Variants in SRPK2 observed in about 807,000 individuals in gnomAD.
SRPK2 encodes the protein SRSF protein kinase 2.
In SRPK2, 21 loss-of-function variants were observed where a neutral mutation model predicts 90.8. The ratio of observed to expected loss-of-function variants is 0.23; its 90% CI spans 0.16 to 0.33. SRPK2 has a LOEUF of 0.33. Among genes scored for constraint, SRPK2 ranks in the 10% least tolerant of loss-of-function variants. SRPK2 has a pLI of 1.00. For synonymous variants in SRPK2, 288 were observed against 311.1 expected (o/e 0.93, Z 0.78); for missense variants, 620 against 869.0 (o/e 0.71, Z 3.60).
intron 7 of SRPK2, among the ~76,000 whole-genome samples, chr7:105,150,038 G>T (rs1342767849): frequency 6.6e-6 from 1 of 151,876 alleles, no homozygotes; most frequent in Admixed American, 6.6e-5. Flanking sequence ...TATGACGGGT[G>T]GGGTAATTGG....
chr7:105,174,144 G>A (rs1294761238), intron 3 of SRPK2, among the ~76,000 whole-genome samples: 2 of 150,972 alleles, frequency 1.3e-5, no homozygotes, highest in African/African-American at 4.9e-5. Context: ...AAACTGTTAA[G>A]TAACCATTAA....
In SRPK2 at chr7:105,233,078, G is replaced by A. The variant is rs1235602352; in HGVS notation, c.72-29293C>T. On this transcript the variant is annotated intron_variant, in intron 2 of 15. Coordinates refer to ENST00000393651, the MANE Select transcript of SRPK2 (RefSeq NM_182692.3). Reference sequence around the variant, plus strand: ...AGGGAGGGAGCAAGGAAGGAAGGAAGGAAAGGAAGGAAAGAAGGAAGGAAG... The same window carrying A: ...AGGGAGGGAGCAAGGAAGGAAGGAAAGAAAGGAAGGAAAGAAGGAAGGAAG... Among the ~76,000 whole-genome samples the A allele has an allele frequency of 8.2e-4, 105 of 127,358 alleles. 1 individual carries two copies. Among genetic ancestry groups the A allele is most frequent in the Admixed American group, 2.5e-3 (29 of 11,646 alleles). The allele number at this position is 127,358 out of a possible 152,430, so 83.6% of individuals were successfully genotyped here. A position where few individuals can be genotyped will look rare whatever the true frequency, so the allele number is the denominator to read the frequency against.
chr7:105,266,345 G>A (rs1258416196), intron 2 of SRPK2, among the ~76,000 whole-genome samples: 1 of 152,042 alleles, frequency 6.6e-6, no homozygotes, highest in Admixed American at 6.5e-5. Flanking sequence ...ATAAAAATGA[G>A]ATGAAAAATT....
chr7:105,370,616 C>CTTTTTTTTT (rs199888481), intron 2 of SRPK2, among the ~76,000 whole-genome samples: 1 of 129,972 alleles, frequency 7.7e-6, no homozygotes, highest in Non-Finnish European at 1.6e-5. Flanking sequence ...TTTTTTCTTT[C>CTTTTTTTTT]TTTTTTTTTT....
At position 105,281,565 on chromosome 7, in the gene SRPK2, T is replaced by C. The variant is rs139455097; in HGVS notation, c.72-77780A>G. Among the ~76,000 whole-genome samples the C allele has an allele frequency of 2.3e-3, 350 of 151,758 alleles. 1 individual carries two copies. Among genetic ancestry groups the C allele is most frequent in the African/African-American group, 8.2e-3 (337 of 41,328 alleles). ...CTACGTGGAGACTGAGGCAGGAGGA[T>C]CACTTGAGCCTTGAAGTTTAAGGAT... On this transcript the variant is annotated intron_variant, in intron 2 of 15. Coordinates refer to ENST00000393651, the MANE Select transcript of SRPK2 (RefSeq NM_182692.3).
At chr7:105,207,101 G>C (rs1009282125) in intron 2 of SRPK2, among the ~76,000 whole-genome samples, 3 of 152,210 alleles carry the variant, frequency 2.0e-5, no homozygotes, top group African/African-American at 7.2e-5. Flanking sequence ...CAGAAATAGA[G>C]AAGAGAAAGC....
intron 2 of SRPK2, among the ~76,000 whole-genome samples, chr7:105,291,678 C>T (rs1267918950): frequency 2.0e-5 from 3 of 152,060 alleles, no homozygotes. Flanking sequence ...TGCACTGAGC[C>T]AAGATGGCAC....
intron 2 of SRPK2, among the ~76,000 whole-genome samples, chr7:105,257,823 A>G (rs1472887072): frequency 1.3e-5 from 2 of 152,326 alleles, no homozygotes; most frequent in East Asian, 3.9e-4. Flanking sequence ...TAAAAATAAA[A>G]AAGAATGGCC....
chr7:105,327,527 A>G (rs1424226567), intron 2 of SRPK2, among the ~76,000 whole-genome samples: 2 of 152,172 alleles, frequency 1.3e-5, no homozygotes, highest in African/African-American at 2.4e-5. Flanking sequence ...GTGCAGGTGA[A>G]GCTTTCCCCT....
At chr7:105,163,172 T>C (rs1350147925) in intron 6 of SRPK2, among the ~76,000 whole-genome samples, 1 of 152,178 alleles carries the variant, frequency 6.6e-6, no homozygotes, top group Admixed American at 6.5e-5. Context: ...ATTTCAAAAA[T>C]TTTTTTGCAC....
At chr7:105,175,782 C>G (rs1012461354) in intron 3 of SRPK2, among the ~76,000 whole-genome samples, 1 of 151,450 alleles carries the variant, frequency 6.6e-6, no homozygotes, top group African/African-American at 2.4e-5. Context: ...GGACAAATAC[C>G]TGAAAAGTCA....
chr7:105,329,117 G>T (rs1311475340), intron 2 of SRPK2, among the ~76,000 whole-genome samples: 4 of 152,036 alleles, frequency 2.6e-5, no homozygotes, highest in Admixed American at 6.6e-5. Context: ...GATCTATAGG[G>T]CCAGTTTTAA....
At chr7:105,247,238 T>A (rs1176378613) in intron 2 of SRPK2, among the ~76,000 whole-genome samples, 1 of 152,142 alleles carries the variant, frequency 6.6e-6, no homozygotes, top group East Asian at 1.9e-4. Flanking sequence ...CCTCATAAAC[T>A]CTGTGTTGTA....
At chr7:105,232,807 G>C (rs1284235217) in intron 2 of SRPK2, among the ~76,000 whole-genome samples, 2 of 152,020 alleles carry the variant, frequency 1.3e-5, no homozygotes, top group Non-Finnish European at 2.9e-5. Flanking sequence ...GAGGTCAAGA[G>C]ATCGAGACCA....
intron 2 of SRPK2, among the ~76,000 whole-genome samples, chr7:105,300,033 A>G (rs1671329929): frequency 6.6e-6 from 1 of 152,160 alleles, no homozygotes; most frequent in South Asian, 2.1e-4. Flanking sequence ...TTTATGCTTC[A>G]ACTTAATTCA....
chr7:105,327,478 A>G (rs574100840), intron 2 of SRPK2, among the ~76,000 whole-genome samples: 5 of 152,232 alleles, frequency 3.3e-5, no homozygotes, highest in Non-Finnish European at 7.4e-5. Flanking sequence ...TTGGTTTTGT[A>G]CCTCTGGCCA....
chr7:105,232,767 C>A (rs1328898205), intron 2 of SRPK2, among the ~76,000 whole-genome samples: 2 of 151,906 alleles, frequency 1.3e-5, no homozygotes, highest in East Asian at 1.9e-4. Context: ...GTAATCCCAG[C>A]ACTTTGGGAG....
chr7:105,296,833 A>G (rs1252608598), intron 2 of SRPK2, among the ~76,000 whole-genome samples: 1 of 152,222 alleles, frequency 6.6e-6, no homozygotes, highest in Non-Finnish European at 1.5e-5. Context: ...AGACACTGTC[A>G]TTATCAACCC....
Position 105,203,740 on chromosome 7 carries a change from C to A in SRPK2, c.117G>T (p.Pro39=). The A allele has an allele frequency of 7.9e-7, 1 of 1,259,424 alleles. No homozygotes were observed. The highest frequency in any genetic ancestry group is 1.1e-6 in the Non-Finnish European group (1 of 892,508). The allele number at this position is 1,259,424 out of a possible 1,614,324, so 78.0% of individuals were successfully genotyped here. The change falls in exon 3 of 16, where the codon CCG becomes CCT. Residue 39 remains proline (P), a synonymous_variant. Transcript: ENST00000393651. ...QKAPLVPPPP[P]PPPPPPPPLP... is the part of the protein sequence containing the mutation. ...AAGGTGGCGGTGGTGGTGGTGGTGG[C>A]GGTGGAGGAGGAGGAACTAAAGGAG...
Sources: gnomAD v4.1 joint callset for allele counts (sites outside exome capture counted in the v4.1 genomes callset) on GRCh38, gnomAD v4.1.1 for gene constraint, MANE v1.5 for transcripts, NCBI Gene and HGNC (gene_info 2026-07-23, HGNC 2026-07-21) for gene names.